Variants in GRIK2 observed in about 807,000 individuals in gnomAD.
GRIK2 encodes the protein glutamate receptor ionotropic, kainate 2.
GRIK2 carries 32 observed loss-of-function variants against 100.3 expected under a neutral mutation model. That is an observed-to-expected ratio of 0.32 (90% CI 0.24 to 0.43). The LOEUF (loss-of-function observed/expected upper bound fraction) is 0.43. GRIK2 is among the 20% of genes least tolerant of loss of function. The pLI is 1.00. For missense variants in GRIK2, 843 were observed against 1,114.9 expected (o/e 0.76, Z 3.47); for synonymous variants, 417 against 389.4 (o/e 1.07, Z -0.83).
intron 2 of GRIK2, among the ~76,000 whole-genome samples, chr6:101,447,997 G>A (rs1364844468): frequency 6.6e-6 from 1 of 151,626 alleles, no homozygotes; most frequent in Non-Finnish European, 1.5e-5. Flanking sequence ...CATAATGTGA[G>A]CATTACTTTA....
intron 10 of GRIK2, among the ~76,000 whole-genome samples, chr6:101,853,434 C>A (rs1027645401): frequency 6.6e-6 from 1 of 152,206 alleles, no homozygotes; most frequent in African/African-American, 2.4e-5. Flanking sequence ...ACACTGACAA[C>A]ACCAAATGCT....
chr6:101,775,376 A>C (rs1778674899), intron 7 of GRIK2, among the ~76,000 whole-genome samples: 1 of 151,950 alleles, frequency 6.6e-6, no homozygotes, highest in Non-Finnish European at 1.5e-5. Context: ...AACCACTATC[A>C]CTCAGTGCTG....
intron 2 of GRIK2, among the ~76,000 whole-genome samples, chr6:101,594,277 C>T (rs113549441): frequency 2.6e-5 from 4 of 151,864 alleles, no homozygotes; most frequent in African/African-American, 9.6e-5. Flanking sequence ...AATAGATGAT[C>T]TCCGAATTTT....
chr6:101,541,412 ACACACATACACACACACT>A (rs1186744347), intron 2 of GRIK2, among the ~76,000 whole-genome samples: 1,498 of 108,822 alleles, frequency 0.014, 29 homozygotes, highest in Admixed American at 0.049. Context: ...ACACACACAC[ACACACATACACACACACT>A]ACACCCTTAT....
intron 10 of GRIK2, among the ~76,000 whole-genome samples, chr6:101,825,841 A>G (rs1782289135): frequency 6.6e-6 from 1 of 152,108 alleles, no homozygotes; most frequent in Non-Finnish European, 1.5e-5. Flanking sequence ...TTTTTTAGGA[A>G]GATGTTATCA....
At chr6:101,952,070 C>T (rs892199027) in intron 14 of GRIK2, among the ~76,000 whole-genome samples, 1 of 152,188 alleles carries the variant, frequency 6.6e-6, no homozygotes, top group Non-Finnish European at 1.5e-5. Flanking sequence ...CTCCCACATC[C>T]CCTTCGTTAG....
chr6:101,714,109 A>G (rs747679263), intron 7 of GRIK2, among the ~76,000 whole-genome samples: 1 of 151,742 alleles, frequency 6.6e-6, no homozygotes, highest in Non-Finnish European at 1.5e-5. Flanking sequence ...TGCATTTATT[A>G]TTTGCAGGGG....
At chr6:101,427,475 A>G (rs1369403171) in intron 2 of GRIK2, among the ~76,000 whole-genome samples, 1 of 152,194 alleles carries the variant, frequency 6.6e-6, no homozygotes, top group East Asian at 1.9e-4. Context: ...GAAGGCAGGG[A>G]CTATATACTT....
intron 2 of GRIK2, among the ~76,000 whole-genome samples, chr6:101,542,451 A>G (rs565698848): frequency 6.7e-6 from 1 of 148,406 alleles, no homozygotes; most frequent in African/African-American, 2.5e-5. Context: ...TTTATCAATA[A>G]CAGGCGTATT....
At chr6:101,638,078 G>A (rs146708177) in intron 4 of GRIK2, among the ~76,000 whole-genome samples, 208 of 151,780 alleles carry the variant, frequency 1.4e-3, no homozygotes, top group African/African-American at 4.8e-3. Context: ...CTTATTTTTA[G>A]CATCCTCACA....
chr6:101,611,636 C>T (rs1779679687), intron 2 of GRIK2, among the ~76,000 whole-genome samples: 1 of 151,560 alleles, frequency 6.6e-6, no homozygotes, highest in Non-Finnish European at 1.5e-5. Context: ...TCAAAAATAC[C>T]TGTTGTTTCA....
At position 101,937,315 on chromosome 6, in the gene GRIK2, T is replaced by C. The variant is rs151212318; in HGVS notation, c.2085+8683T>C. 1.6e-3 allele frequency among the ~76,000 whole-genome samples: 249 copies of C among 152,252 alleles called. 3 individuals carry two copies. Among genetic ancestry groups the C allele is most frequent in the Middle Eastern group, 3.4e-3 (1 of 294 alleles). On this transcript the variant is annotated intron_variant, in intron 14 of 16. Transcript: ENST00000369134. The stretch of plus-strand genomic sequence containing the variant: ...ATTCCTGCTGTTTGTCAAGTCAGGT[T>C]GGCAGCTCAAACACTGTGTCCCAAC...
chr6:101,895,805 A>G (rs1403290074), intron 12 of GRIK2, among the ~76,000 whole-genome samples: 1 of 151,748 alleles, frequency 6.6e-6, no homozygotes, highest in East Asian at 1.9e-4. Context: ...AAATTGCAGA[A>G]AAGCCTATTT....
chr6:101,895,285 A>T (rs933311458), intron 12 of GRIK2, among the ~76,000 whole-genome samples: 3 of 151,654 alleles, frequency 2.0e-5, no homozygotes, highest in African/African-American at 4.8e-5. Context: ...GCCTTTAATT[A>T]TTTTTAGAGT....
intron 2 of GRIK2, among the ~76,000 whole-genome samples, chr6:101,608,367 T>C (rs1307491853): frequency 1.3e-5 from 2 of 151,968 alleles, no homozygotes; most frequent in African/African-American, 4.8e-5. Context: ...TCCCAGATGA[T>C]ATACATTTAG....
At chr6:101,519,985 C>G (rs1447982066) in intron 2 of GRIK2, among the ~76,000 whole-genome samples, 1 of 152,076 alleles carries the variant, frequency 6.6e-6, no homozygotes, top group Non-Finnish European at 1.5e-5. Context: ...TATCCACTCT[C>G]CACAGAAGGA....
At chr6:101,632,515 G>T (rs1474391599) in intron 4 of GRIK2, among the ~76,000 whole-genome samples, 3 of 152,020 alleles carry the variant, frequency 2.0e-5, no homozygotes, top group Admixed American at 2.0e-4. Flanking sequence ...TACTTGCCAA[G>T]GAATAAATAG....
intron 14 of GRIK2, among the ~76,000 whole-genome samples, chr6:101,957,821 GAAGA>G (rs1792035159): frequency 6.6e-6 from 1 of 151,880 alleles, no homozygotes; most frequent in African/African-American, 2.4e-5. Flanking sequence ...CAATTTTGTT[GAAGA>G]TCAGTTGGTT....
chr6:101,486,846 ACCAAGT>A (rs1772861893), intron 2 of GRIK2, among the ~76,000 whole-genome samples: 1 of 147,100 alleles, frequency 6.8e-6, no homozygotes, highest in South Asian at 2.2e-4. Context: ...ATGAAATAGC[ACCAAGT>A]CCTGACAAGA....
Sources: allele counts gnomAD v4.1 joint callset (sites outside exome capture counted in the v4.1 genomes callset), GRCh38; gene constraint gnomAD v4.1.1; transcripts MANE v1.5; gene names NCBI Gene and HGNC (gene_info 2026-07-23, HGNC 2026-07-21).